Variants in KLHL5 observed in about 807,000 individuals in gnomAD.
The protein encoded by KLHL5 is kelch like family member 5.
A neutral mutation model predicts 77.7 loss-of-function variants in KLHL5; 48 were observed. That is an observed-to-expected ratio of 0.62 (90% CI 0.49 to 0.79). KLHL5 has a LOEUF of 0.79. Ranked by LOEUF, KLHL5 falls within the 30% of genes least tolerant of loss-of-function variation. KLHL5 has a pLI of 0.00. For missense variants in KLHL5, 723 were observed against 859.7 expected (o/e 0.84, Z 1.99); for synonymous variants, 260 against 297.0 (o/e 0.88, Z 1.28).
At chr4:39,077,402 C>A (rs1719161509) in intron 2 of KLHL5, among the ~76,000 whole-genome samples, 1 of 151,926 alleles carries the variant, frequency 6.6e-6, no homozygotes. Flanking sequence ...GCAGAGCTTG[C>A]AGTGAGCCAA....
At chr4:39,050,974 T>TATA (rs1553885845) in intron 1 of KLHL5, among the ~76,000 whole-genome samples, 10 of 152,216 alleles carry the variant, frequency 6.6e-5, no homozygotes, top group Non-Finnish European at 4.4e-5. Flanking sequence ...GTCTAACTCT[T>TATA]ATAAGTCATC....
intron 10 of KLHL5, chr4:39,120,031 C>T (rs549201702): frequency 6.6e-6 from 1 of 152,088 alleles, no homozygotes; most frequent in African/African-American, 2.4e-5. Flanking sequence ...AAAATCTACT[C>T]ATTGGTCTAG....
intron 2 of KLHL5, among the ~76,000 whole-genome samples, chr4:39,076,733 A>G (rs1719078498): frequency 6.7e-6 from 1 of 148,350 alleles, no homozygotes; most frequent in Admixed American, 6.7e-5. Context: ...CACCACTATG[A>G]TTCTCAAAGG....
the KLHL5 span, among the ~76,000 whole-genome samples, chr4:39,132,474 T>C: frequency 3.3e-5 from 5 of 152,006 alleles, no homozygotes; most frequent in Non-Finnish European, 7.4e-5. Flanking sequence ...CCAGGTGCCA[T>C]GGTGCGCACC....
downstream of KLHL5, among the ~76,000 whole-genome samples, chr4:39,131,758 C>T (rs1297811697): frequency 2.0e-5 from 3 of 151,752 alleles, no homozygotes; most frequent in Non-Finnish European, 4.4e-5. Context: ...TGTGGTGGTG[C>T]ATGCTTGTAG....
chr4:39,052,680 T>C (rs1716740163), intron 1 of KLHL5, among the ~76,000 whole-genome samples: 1 of 152,208 alleles, frequency 6.6e-6, no homozygotes, highest in African/African-American at 2.4e-5. Context: ...AGTTGGTTGG[T>C]TCATTTCTAC....
chr4:39,050,927 C>A (rs1716592060), intron 1 of KLHL5, among the ~76,000 whole-genome samples: 1 of 152,202 alleles, frequency 6.6e-6, no homozygotes, highest in African/African-American at 2.4e-5. Context: ...TTTCATCCAT[C>A]CCTTCTTCCT....
At chr4:39,099,178 C>G (rs913641751) in intron 6 of KLHL5, among the ~76,000 whole-genome samples, 1 of 152,098 alleles carries the variant, frequency 6.6e-6, no homozygotes, top group African/African-American at 2.4e-5. Context: ...ATCCCAGCTA[C>G]TCAGGTGGCT....
At chr4:39,126,562 A>G, downstream of KLHL5, 1 of 357,070 alleles carries the variant, frequency 2.8e-6, no homozygotes, top group Non-Finnish European at 5.5e-6. Context: ...TGGGCTAACG[A>G]GGTATAATCT....
Position 39,125,297 on chromosome 4 carries a change from T to TA in KLHL5, c.*4239dup, listed in dbSNP as rs1723472535. On this transcript the variant is annotated 3_prime_UTR_variant, in exon 11 of 11. Coordinates refer to ENST00000504108, the MANE Select transcript of KLHL5 (RefSeq NM_015990.5). The stretch of plus-strand genomic sequence containing the variant: ...ACAGTTTGGCAGTTCCTCAATAAGT[T>TA]AAAAAAAAGAATTACCATATGACCC... Among the ~76,000 whole-genome samples the TA allele has an allele frequency of 6.6e-6, 1 of 151,198 alleles. No homozygotes were observed. Among genetic ancestry groups the TA allele is most frequent in the South Asian group, 2.1e-4 (1 of 4,782 alleles).
At chr4:39,079,002 TGA>T (rs146016871) in intron 2 of KLHL5, among the ~76,000 whole-genome samples, 11,670 of 152,128 alleles carry the variant, frequency 0.077, 1,271 homozygotes, top group African/African-American at 0.25. Flanking sequence ...ATACATTTAT[TGA>T]GATACTACTA....
chr4:39,084,535 T>G (rs1040614785), intron 4 of KLHL5, among the ~76,000 whole-genome samples: 1 of 152,208 alleles, frequency 6.6e-6, no homozygotes, highest in Non-Finnish European at 1.5e-5. Flanking sequence ...AAATTAATAC[T>G]TTTGAAAAAT....
the KLHL5 span, among the ~76,000 whole-genome samples, chr4:39,137,823 A>C: frequency 1.4e-3 from 219 of 152,338 alleles, no homozygotes; most frequent in African/African-American, 4.9e-3. Context: ...GCATAAAAAT[A>C]AATAAGATCT....
chr4:39,102,868 A>G (rs1414057951), intron 6 of KLHL5, among the ~76,000 whole-genome samples: 1 of 152,222 alleles, frequency 6.6e-6, no homozygotes, highest in Non-Finnish European at 1.5e-5. Context: ...CCCTGAAGTC[A>G]TCAGTGACCT....
intron 5 of KLHL5, among the ~76,000 whole-genome samples, chr4:39,089,422 G>A (rs1245510945): frequency 6.6e-6 from 1 of 152,124 alleles, no homozygotes; most frequent in Non-Finnish European, 1.5e-5. Context: ...TAGAGTCTAA[G>A]GACTCTGAAG....
At chr4:39,077,724 AC>A (rs66700550) in intron 2 of KLHL5, among the ~76,000 whole-genome samples, 4,059 of 133,700 alleles carry the variant, frequency 0.03, 157 homozygotes, top group African/African-American at 0.1. Flanking sequence ...AAACAAACAA[AC>A]AAAAAAACTA....
chr4:39,079,359 A>C (rs1268444357), intron 2 of KLHL5, among the ~76,000 whole-genome samples: 1 of 152,188 alleles, frequency 6.6e-6, no homozygotes, highest in Non-Finnish European at 1.5e-5. Context: ...GCAATGGCGT[A>C]CACGATCCAG....
intron 5 of KLHL5, among the ~76,000 whole-genome samples, chr4:39,090,941 T>C (rs1190841502): frequency 6.6e-5 from 10 of 151,438 alleles, no homozygotes; most frequent in Admixed American, 6.6e-4. Flanking sequence ...TAGCTGGAAC[T>C]ACAGACACAC....
intron 5 of KLHL5, among the ~76,000 whole-genome samples, chr4:39,088,995 A>C (rs1720291302): frequency 6.6e-6 from 1 of 152,156 alleles, no homozygotes; most frequent in South Asian, 2.1e-4. Context: ...TCCTGAAAGC[A>C]ATGAGGAAGC....
Sources: gnomAD v4.1 joint callset for allele counts (sites outside exome capture counted in the v4.1 genomes callset) on GRCh38, gnomAD v4.1.1 for gene constraint, MANE v1.5 for transcripts, NCBI Gene and HGNC (gene_info 2026-07-23, HGNC 2026-07-21) for gene names.